Variants in KCNJ4 observed in about 807,000 individuals in gnomAD.
The protein encoded by KCNJ4 is potassium inwardly rectifying channel subfamily J member 4, also known as inward rectifier potassium channel 4.
Under a neutral mutation model 25.6 loss-of-function variants are expected in KCNJ4, and 3 were observed. That is an observed-to-expected ratio of 0.12 (90% confidence interval 0.05 to 0.30). The LOEUF (loss-of-function observed/expected upper bound fraction) is 0.30, where lower values mean the gene tolerates loss of function less well. Ranked by LOEUF, KCNJ4 falls within the 10% of genes least tolerant of loss-of-function variation. KCNJ4 has a pLI of 1.00. For missense variants in KCNJ4, 286 were observed against 666.8 expected, an observed-to-expected ratio of 0.43 and a Z score of 6.29; for synonymous variants, 257 against 283.9, an observed-to-expected ratio of 0.91 and a Z score of 0.95.
At chr22:38,432,977 A>G (rs1374942485) in intron 1 of KCNJ4, among the ~76,000 whole-genome samples, 1 of 152,000 alleles carries the variant, frequency 6.6e-6, no homozygotes, top group Non-Finnish European at 1.5e-5. Flanking sequence ...TCTCAAAAAA[A>G]AGATCAATGG....
At chr22:38,440,084 C>T (rs196078) in intron 1 of KCNJ4, among the ~76,000 whole-genome samples, 12,691 of 143,338 alleles carry the variant, frequency 0.089, 720 homozygotes, top group African/African-American at 0.18. Context: ...GGTGACAGAG[C>T]GAGACTTCGT....
intron 1 of KCNJ4, among the ~76,000 whole-genome samples, chr22:38,445,737 G>A (rs779166918): frequency 6.6e-6 from 1 of 152,080 alleles, no homozygotes; most frequent in Non-Finnish European, 1.5e-5. Flanking sequence ...TTTCATTTTC[G>A]GAAAACAAGT....
intron 1 of KCNJ4, among the ~76,000 whole-genome samples, chr22:38,431,292 C>T (rs553420265): frequency 4.6e-5 from 7 of 152,266 alleles, no homozygotes; most frequent in African/African-American, 1.2e-4. Context: ...GTAAGGGAGC[C>T]GATCCCCTGA....
chr22:38,436,788 GA>G lies in KCNJ4; in HGVS notation c.-39-8618del, dbSNP rs2093066827. ...AATTATCATTACCCCTGTTTTAGAA[GA>G]AAACCAAGGCACAGAGAGGTTCAGC... On this transcript the variant is annotated intron_variant, in intron 1 of 1. Coordinates refer to ENST00000303592, the MANE Select transcript of KCNJ4 (RefSeq NM_152868.3). Among the ~76,000 whole-genome samples the G allele has an allele frequency of 2.0e-5, 3 of 152,166 alleles. No individual in the cohort carries two copies. In the South Asian group the frequency reaches 6.2e-4, roughly 31 times the overall value.
In KCNJ4 at chr22:38,426,603, G is replaced by A. The variant is rs928441098; in HGVS notation, c.*192C>T. The A allele has an allele frequency of 1.5e-5, 10 of 674,460 alleles. No individual in the cohort carries two copies. The highest frequency in any genetic ancestry group is 2.8e-5 in the East Asian group (1 of 36,044). 41.8% of individuals were successfully genotyped at this position (674,460 alleles called of 1,614,324 possible). ...GGCGCTGGCGGAACTCAGGCTGATC[G>A]GGGCCGAGCTCTTCCCAGGCCTGGG... On this transcript the variant is annotated 3_prime_UTR_variant, in exon 2 of 2. Coordinates refer to ENST00000303592, the MANE Select transcript of KCNJ4 (RefSeq NM_152868.3).
chr22:38,442,595 A>AC (rs1172830273), intron 1 of KCNJ4, among the ~76,000 whole-genome samples: 1 of 149,966 alleles, frequency 6.7e-6, no homozygotes, highest in Non-Finnish European at 1.5e-5. Context: ...AGAACACTTC[A>AC]CCTATGGGCT....
At chr22:38,436,862 G>A (rs1447546491) in intron 1 of KCNJ4, among the ~76,000 whole-genome samples, 2 of 152,150 alleles carry the variant, frequency 1.3e-5, no homozygotes, top group Non-Finnish European at 2.9e-5. Flanking sequence ...CCAGGATGTG[G>A]GCCTGGGCAA....
rs1242573769 is a variant in KCNJ4 at position 38,451,024 on chromosome 22, A to G, written c.-40+3956T>C. On this transcript the variant is annotated intron_variant, in intron 1 of 1. Coordinates refer to ENST00000303592, the MANE Select transcript of KCNJ4 (RefSeq NM_152868.3). Reference sequence around the variant, plus strand: ...ACAAATCACATAGATTCTCTGAGCCATGGCCCTTCCATCTATAACACGGGG... The same window carrying G: ...ACAAATCACATAGATTCTCTGAGCCGTGGCCCTTCCATCTATAACACGGGG... Among the ~76,000 whole-genome samples, 4 of 152,198 alleles carry G rather than the reference A, an allele frequency of 2.6e-5. No homozygotes were observed. In the East Asian group the frequency reaches 7.7e-4, roughly 29 times the overall value.
Position 38,443,216 on chromosome 22 carries a change from C to T in KCNJ4, c.-40+11764G>A, listed in dbSNP as rs57527637. ...CCTGAGGGTCCCTCTCCAGGTCGCC[C>T]CTTGCTCTCCTGCCTCTGGCCTCTC... On this transcript the variant is annotated intron_variant, in intron 1 of 1. Coordinates refer to ENST00000303592, the MANE Select transcript of KCNJ4 (RefSeq NM_152868.3). This position sits in a 1 kb window ranked among gnomAD's most constrained non-coding sequence, Gnocchi z 4.1. 0.028 allele frequency among the ~76,000 whole-genome samples: 4,288 copies of T among 152,196 alleles called. 214 individuals are homozygous for T. Among genetic ancestry groups the T allele is most frequent in the African/African-American group, 0.098 (4,077 of 41,486 alleles).
chr22:38,429,095 A>AG (rs2093041525), intron 1 of KCNJ4, among the ~76,000 whole-genome samples: 1 of 151,592 alleles, frequency 6.6e-6, no homozygotes, highest in Non-Finnish European at 1.5e-5. Context: ...AAAAAAAAAA[A>AG]AAAAAAAAAA....
rs193920820 is a variant in KCNJ4 at position 38,427,547 on chromosome 22, G to A, written c.586C>T (p.Arg196Cys). 2 of 1,611,032 alleles carry A rather than the reference G, an allele frequency of 1.2e-6. No homozygotes were observed. The highest frequency in any genetic ancestry group is 1.7e-6 in the Non-Finnish European group (2 of 1,178,142). The change falls in exon 2 of 2, where the codon CGC (arginine) becomes TGC (cysteine). Residue 196 changes from arginine to cysteine, a missense_variant. By Grantham distance (180) the Arg-to-Cys change is radical (BLOSUM62 -3). Around this residue, in one of 11 missense-constraint regions of KCNJ4, gnomAD observed 15 missense variants for 29.9 expected, o/e 0.50. Coordinates refer to ENST00000303592, the MANE Select transcript of KCNJ4 (RefSeq NM_152868.3). ...CACATGAGGCAGAGCTTGCCGTCGC[G>A]CACCGAAATGACCGCGTGGTGGCTG... The part of the protein sequence containing the change: ...LFSHHAVISV[R>C]DGKLCLMWRV...
chr22:38,442,474 T>C (rs909488696), intron 1 of KCNJ4, among the ~76,000 whole-genome samples: 3 of 141,912 alleles, frequency 2.1e-5, no homozygotes, highest in South Asian at 2.2e-4. Context: ...GTGAACCCGG[T>C]AGACGGAGCT....
intron 1 of KCNJ4, among the ~76,000 whole-genome samples, chr22:38,441,064 G>C (rs188774973): frequency 6.6e-6 from 1 of 152,198 alleles, no homozygotes; most frequent in Non-Finnish European, 1.5e-5. Context: ...CCCGGCCCCA[G>C]CAGCCCCACA....
At chr22:38,437,330 C>T (rs781691689) in intron 1 of KCNJ4, among the ~76,000 whole-genome samples, 6 of 152,240 alleles carry the variant, frequency 3.9e-5, no homozygotes, top group Admixed American at 6.5e-5. Context: ...GAATTGCTGA[C>T]GCCAGTCCTC....
At chr22:38,436,599 CCTT>C (rs1042638649) in intron 1 of KCNJ4, among the ~76,000 whole-genome samples, 1 of 152,222 alleles carries the variant, frequency 6.6e-6, no homozygotes, top group Non-Finnish European at 1.5e-5. Context: ...CCCCTCCCCA[CCTT>C]CTTCTGGACC....
In KCNJ4 at chr22:38,449,101, G is replaced by A. The variant is rs549883685; in HGVS notation, c.-40+5879C>T. Among the ~76,000 whole-genome samples, 22 of 152,296 alleles carry A rather than the reference G, an allele frequency of 1.4e-4. No homozygotes were observed. The highest frequency in any genetic ancestry group is 5.3e-4 in the African/African-American group (22 of 41,566). ...CCTCCCCTGCCTGCCAAGGCCAGAC[G>A]TCCCAGCTGTTGGCACCAGGGCTGG... On this transcript the variant is annotated intron_variant, in intron 1 of 1. Transcript: ENST00000303592. This position sits in a 1 kb window ranked among gnomAD's most constrained non-coding sequence, Gnocchi z 5.2.
intron 1 of KCNJ4, among the ~76,000 whole-genome samples, chr22:38,442,844 G>A (rs924883120): frequency 3.9e-5 from 6 of 152,096 alleles, no homozygotes; most frequent in Non-Finnish European, 8.8e-5. Context: ...CCAGGCTCAA[G>A]CGATCCTCCC....
intron 1 of KCNJ4, among the ~76,000 whole-genome samples, chr22:38,432,124 C>G (rs147339944): frequency 6.6e-6 from 1 of 151,642 alleles, no homozygotes; most frequent in Non-Finnish European, 1.5e-5. Flanking sequence ...GGCATGGTGG[C>G]GGGCGCCTGT....
chr22:38,447,022 A>T (rs1319039444), intron 1 of KCNJ4, among the ~76,000 whole-genome samples: 1 of 151,544 alleles, frequency 6.6e-6, no homozygotes, highest in Non-Finnish European at 1.5e-5. Flanking sequence ...AGGCTCAGAG[A>T]GGTGAAAAAC....
Sources: gnomAD v4.1 joint callset for allele counts (sites outside exome capture counted in the v4.1 genomes callset) on GRCh38, gnomAD v4.1.1 for gene constraint, gnomAD v4.1.1 regional missense constraint, Gnocchi (gnomAD v3.1) non-coding constraint, MANE v1.5 for transcripts, NCBI Gene and HGNC (gene_info 2026-07-23, HGNC 2026-07-21) for gene names.